ETS1: variants seen among roughly 807,000 people sequenced by gnomAD.
ETS1 encodes the protein protein C-ets-1.
Under a neutral mutation model 58.6 loss-of-function variants are expected in ETS1, and 15 were observed. The ratio of observed to expected loss-of-function variants is 0.26; its 90% confidence interval spans 0.17 to 0.39. The LOEUF is 0.39. Among genes scored for constraint, ETS1 ranks in the 10% least tolerant of loss-of-function variants. The probability of loss-of-function intolerance (pLI) is 1.00; values close to 1 mark genes in which losing one functional copy is unlikely to be tolerated. For synonymous variants in ETS1, 214 were observed against 218.2 expected (o/e 0.98, Z 0.17); for missense variants, 417 against 610.5 (o/e 0.68, Z 3.34).
intron 1 of ETS1, among the ~76,000 whole-genome samples, chr11:128,585,100 A>G (rs1415171839): frequency 2.4e-4 from 7 of 29,420 alleles, no homozygotes; most frequent in African/African-American, 1.7e-3. Flanking sequence ...GGAAAGAAAG[A>G]AAGGAAGGAA....
At position 128,532,509 on chromosome 11, in the gene ETS1, C is replaced by A. The variant is rs1215719047; in HGVS notation, c.214+23782G>T. On this transcript the variant is annotated intron_variant, in intron 3 of 9. Transcript: ENST00000392668. ...AATGCTGTATCATTGGGAAAGCAGA[C>A]TTAATTGGTTTTCTGGGGGTGTTTA... Among the ~76,000 whole-genome samples the A allele has an allele frequency of 2.0e-5, 3 of 152,336 alleles. No individual in the cohort carries two copies. In the South Asian group the frequency reaches 6.2e-4, roughly 32 times the overall value.
intron 3 of ETS1, among the ~76,000 whole-genome samples, chr11:128,542,235 A>G (rs1200503537): frequency 6.6e-6 from 1 of 152,204 alleles, no homozygotes; most frequent in Non-Finnish European, 1.5e-5. Context: ...GGAATTTTAT[A>G]TATAACCATT....
chr11:128,582,346 G>A (rs1303453375), intron 1 of ETS1, among the ~76,000 whole-genome samples: 5 of 152,106 alleles, frequency 3.3e-5, no homozygotes, highest in African/African-American at 1.2e-4. Flanking sequence ...TATAGAGGAG[G>A]ATCATACAAA....
chr11:128,581,381 T>C (rs912807060), intron 1 of ETS1, among the ~76,000 whole-genome samples: 5 of 152,320 alleles, frequency 3.3e-5, no homozygotes, highest in Non-Finnish European at 7.4e-5. Flanking sequence ...TACACTGCCT[T>C]ACCATAAAAG....
chr11:128,471,466 C>G (rs1358009217), intron 8 of ETS1, among the ~76,000 whole-genome samples: 1 of 152,258 alleles, frequency 6.6e-6, no homozygotes, highest in Non-Finnish European at 1.5e-5. Flanking sequence ...GGGGCAGTCT[C>G]TATTCAAATG....
Position 128,584,989 on chromosome 11 carries a change from AGGAAGGAAGGAAGGAAAGAAAG to A in ETS1, c.-15+2477_-15+2498del, listed in dbSNP as rs1484246719. On this transcript the variant is annotated intron_variant, in intron 1 of 9. Coordinates refer to ENST00000392668, the MANE Select transcript of ETS1 (RefSeq NM_001143820.2). ...AAGAAAGAAAGAAAGAAAGAAAGAA[AGGAAGGAAGGAAGGAAAGAAAG>A]GAAAGAAAGAAGAAAGAAAGAAAAG... 2.5e-3 allele frequency among the ~76,000 whole-genome samples: 126 copies of A among 51,216 alleles called. 15 individuals carry two copies. Among genetic ancestry groups the A allele is most frequent in the African/African-American group, 0.011 (107 of 9,356 alleles). 33.6% of individuals were successfully genotyped at this position (51,216 alleles called of 152,430 possible).
At chr11:128,525,768 A>G (rs553360781) in intron 3 of ETS1, among the ~76,000 whole-genome samples, 3 of 152,316 alleles carry the variant, frequency 2.0e-5, no homozygotes, top group South Asian at 2.1e-4. Context: ...AGTGGTTTCT[A>G]TGTGAGAAGT....
chr11:128,561,715 G>A (rs1430955078), intron 2 of ETS1, among the ~76,000 whole-genome samples: 1 of 152,230 alleles, frequency 6.6e-6, no homozygotes, highest in Non-Finnish European at 1.5e-5. Flanking sequence ...TGTTTATGCA[G>A]TGAAAATGGT....
Position 128,556,313 on chromosome 11 carries a change from A to G in ETS1, c.192T>C (p.Thr64=), listed in dbSNP as rs1301297300. 4 of 1,613,174 alleles carry G rather than the reference A, an allele frequency of 2.5e-6. No homozygotes were observed. The highest frequency in any genetic ancestry group is 2.7e-5 in the African/African-American group (2 of 75,018). Residue 64 remains threonine, a synonymous_variant, in exon 3 of 10, where the codon ACT becomes ACC. Transcript: ENST00000392668. ...TACCTGAGACACAGTGTTCAAGACC[A>G]GTAGGAACTTCCTGAGTTGCCATCT... is the stretch of plus-strand genomic sequence containing the variant. ...WDEMATQEVP[T]GLEHCVSDME...
intron 8 of ETS1, among the ~76,000 whole-genome samples, chr11:128,472,107 A>G (rs1413267821): frequency 1.3e-5 from 2 of 152,218 alleles, no homozygotes; most frequent in African/African-American, 2.4e-5. Flanking sequence ...TAGCGGAACA[A>G]GTACTTTTTG....
At chr11:128,573,673 T>C (rs1018497782) in intron 1 of ETS1, among the ~76,000 whole-genome samples, 11 of 152,280 alleles carry the variant, frequency 7.2e-5, no homozygotes, top group African/African-American at 2.6e-4. Flanking sequence ...GGATTGAGCA[T>C]TATTGATCTT....
In ETS1 at chr11:128,549,424, A is replaced by T. The variant is rs985867502; in HGVS notation, c.214+6867T>A. Among the ~76,000 whole-genome samples the T allele has an allele frequency of 2.0e-5, 3 of 152,202 alleles. No individual in the cohort carries two copies. ...GTCCCACCCCCGTGCGAGGAGTTCC[A>T]GGAGAGGGGTCAAACTGCTTGAATC... On this transcript the variant is annotated intron_variant, in intron 3 of 9. Transcript: ENST00000392668. The surrounding 1 kb of genome is among the most constrained non-coding windows in gnomAD (Gnocchi z 4.3).
intron 3 of ETS1, among the ~76,000 whole-genome samples, chr11:128,531,939 G>T (rs919587665): frequency 2.0e-5 from 3 of 152,156 alleles, no homozygotes; most frequent in African/African-American, 7.2e-5. Flanking sequence ...TCACTTCACA[G>T]AAGTCTTTTT....
chr11:128,469,925 C>A (rs1285147152), intron 8 of ETS1, among the ~76,000 whole-genome samples: 2 of 152,178 alleles, frequency 1.3e-5, no homozygotes, highest in Non-Finnish European at 2.9e-5. Context: ...TTTAAAGACT[C>A]ACTCTGTGTC....
At chr11:128,480,488 G>A (rs199987349) in intron 7 of ETS1, 37 bp from the exon 8 acceptor site, 3 of 1,491,488 alleles carry the variant, frequency 2.0e-6, no homozygotes, top group Non-Finnish European at 2.8e-6. Context: ...AGGACAGGGG[G>A]AGGAGGGAGT....
chr11:128,560,259 T>G (rs1330837153), intron 2 of ETS1, among the ~76,000 whole-genome samples: 1 of 152,300 alleles, frequency 6.6e-6, no homozygotes, highest in East Asian at 1.9e-4. Flanking sequence ...ATTAAAGGCA[T>G]GTGCCACCAT....
At position 128,459,140 on chromosome 11, in the gene ETS1, T is replaced by TA. The variant is rs532384156; in HGVS notation, c.*3220dup. Reference sequence around the variant, plus strand: ...TCTCAGCTTAAAAAAAAAGTATTCTTAAAAAAAAAAGTTCAATAACTGAGG... The same window carrying TA: ...TCTCAGCTTAAAAAAAAAGTATTCTTAAAAAAAAAAAGTTCAATAACTGAGG... On this transcript the variant is annotated 3_prime_UTR_variant, in exon 10 of 10. Coordinates refer to ENST00000392668, the MANE Select transcript of ETS1 (RefSeq NM_001143820.2). The TA allele has an allele frequency of 2.4e-4, 35 of 148,152 alleles. No individual in the cohort carries two copies. Among genetic ancestry groups the TA allele is most frequent in the Middle Eastern group, 3.5e-3 (1 of 288 alleles). The allele number at this position is 148,152 out of a possible 1,614,324, so 9.2% of individuals were successfully genotyped here.
At chr11:128,494,870 A>C (rs1862897114) in intron 3 of ETS1, among the ~76,000 whole-genome samples, 1 of 152,198 alleles carries the variant, frequency 6.6e-6, no homozygotes, top group South Asian at 2.1e-4. Flanking sequence ...AGCCAAGGAC[A>C]AGAAATCCAA....
chr11:128,578,665 G>A (rs1392437027), intron 1 of ETS1, among the ~76,000 whole-genome samples: 2 of 151,966 alleles, frequency 1.3e-5, no homozygotes, highest in East Asian at 1.9e-4. Flanking sequence ...CTATCTAAAC[G>A]AACATAGATG....
Sources: allele counts gnomAD v4.1 joint callset (sites outside exome capture counted in the v4.1 genomes callset), GRCh38; gene constraint gnomAD v4.1.1; non-coding constraint Gnocchi (gnomAD v3.1); transcripts MANE v1.5; gene names NCBI Gene and HGNC (gene_info 2026-07-23, HGNC 2026-07-21).